The following GMDS variants were observed in gnomAD, a reference collection of about 807,000 sequenced individuals.
The protein encoded by GMDS is GDP-mannose 4,6 dehydratase.
GMDS carries 20 observed loss-of-function variants against 49.9 expected under a neutral mutation model. The observed-to-expected ratio is 0.40, with a 90% CI of 0.28 to 0.58. The LOEUF (loss-of-function observed/expected upper bound fraction) is 0.58. Among genes scored for constraint, GMDS ranks in the 20% least tolerant of loss-of-function variants. GMDS has a pLI of 0.42. For missense variants in GMDS, 362 were observed against 481.4 expected, an observed-to-expected ratio of 0.75 and a Z score of 2.32; for synonymous variants, 177 against 178.6, an observed-to-expected ratio of 0.99 and a Z score of 0.07.
chr6:1,624,465 TACTC>T lies in GMDS; in HGVS notation c.1056+3_1056+6del, dbSNP rs1762783854. ...AGCGGGCGGCGTGCGCCCTAAGAGA[TACTC>T]ACATCGAAAGCGACCCGGGGCTTCC... On this transcript the variant is annotated splice_donor_5th_base_variant and intron_variant, in intron 10 of 10. Transcript: ENST00000380815. The T allele has an allele frequency of 3.7e-6, 6 of 1,611,496 alleles. No homozygotes were observed. Among genetic ancestry groups the T allele is most frequent in the Non-Finnish European group, 5.1e-6 (6 of 1,177,756 alleles).
At chr6:2,109,647 C>T (rs17134684) in intron 4 of GMDS, among the ~76,000 whole-genome samples, 4,160 of 152,244 alleles carry the variant, frequency 0.027, 94 homozygotes, top group South Asian at 0.1. Context: ...TCCCAGGAAC[C>T]GTGATATGCA....
rs66496705 is a variant in GMDS at position 1,910,314 on chromosome 6, G to GA, written c.771+19788dup. Among the ~76,000 whole-genome samples, 17 of 141,710 alleles carry GA rather than the reference G, an allele frequency of 1.2e-4. 1 individual carries two copies. Among genetic ancestry groups the GA allele is most frequent in the South Asian group, 4.4e-4 (2 of 4,498 alleles). 93.0% of individuals were successfully genotyped at this position (141,710 alleles called of 152,430 possible). On this transcript the variant is annotated intron_variant, in intron 7 of 10. Coordinates refer to ENST00000380815, the MANE Select transcript of GMDS (RefSeq NM_001500.4). ...TAAGCTCAGAATAATAAATGAAACT[G>GA]AAAAAAAAAAGAAGATGATACTGGG...
At chr6:2,127,721 C>G (rs1284868211) in intron 1 of GMDS, among the ~76,000 whole-genome samples, 1 of 152,270 alleles carries the variant, frequency 6.6e-6, no homozygotes, top group African/African-American at 2.4e-5. Flanking sequence ...TGGCCGCCCC[C>G]TCGTCCTTTC....
chr6:2,142,597 C>T (rs1168127044), intron 1 of GMDS, among the ~76,000 whole-genome samples: 1 of 152,114 alleles, frequency 6.6e-6, no homozygotes, highest in African/African-American at 2.4e-5. Context: ...CAGAAGGAAC[C>T]AACCCTGACA....
chr6:2,060,570 T>C (rs1365421426), intron 4 of GMDS, among the ~76,000 whole-genome samples: 1 of 152,168 alleles, frequency 6.6e-6, no homozygotes, highest in Non-Finnish European at 1.5e-5. Context: ...AATGGACCTC[T>C]TATACTTTAG....
At chr6:1,827,504 C>T (rs998054507) in intron 7 of GMDS, among the ~76,000 whole-genome samples, 1 of 151,674 alleles carries the variant, frequency 6.6e-6, no homozygotes, top group South Asian at 2.1e-4. Context: ...TATATACACA[C>T]GTTTTGGAAA....
chr6:1,624,105 G>T lies in GMDS; in HGVS notation c.*64C>A. 2 of 1,430,768 alleles carry T rather than the reference G, an allele frequency of 1.4e-6. No individual in the cohort carries two copies. The highest frequency in any genetic ancestry group is 1.9e-6 in the Non-Finnish European group (2 of 1,027,822). The allele number at this position is 1,430,768 out of a possible 1,614,324, so 88.6% of individuals were successfully genotyped here. On this transcript the variant is annotated 3_prime_UTR_variant, in exon 11 of 11. Transcript: ENST00000380815. The stretch of plus-strand genomic sequence containing the variant: ...GCACGCCGCTCCCCATCCCCGCAGC[G>T]CGTCTGCACCGGAGACTCTGCGGGG...
chr6:1,931,642 G>A (rs1422444899), intron 6 of GMDS, among the ~76,000 whole-genome samples: 1 of 152,082 alleles, frequency 6.6e-6, no homozygotes, highest in Non-Finnish European at 1.5e-5. Flanking sequence ...TTTTTCTATT[G>A]ACTTGTAAGA....
At chr6:1,729,240 C>T (rs566926505) in intron 8 of GMDS, among the ~76,000 whole-genome samples, 35 of 152,282 alleles carry the variant, frequency 2.3e-4, no homozygotes, top group Middle Eastern at 6.8e-3. Context: ...AGGAGAAACA[C>T]TCCCTCTCTG....
chr6:2,067,239 A>G (rs2127454722), intron 4 of GMDS, among the ~76,000 whole-genome samples: 1 of 152,284 alleles, frequency 6.6e-6, no homozygotes, highest in Non-Finnish European at 1.5e-5. Context: ...ACAACATACC[A>G]GAATCTCTGG....
chr6:1,679,758 C>T (rs1008298058), intron 9 of GMDS: 2 of 152,196 alleles, frequency 1.3e-5, no homozygotes, highest in Non-Finnish European at 2.9e-5. Flanking sequence ...CTTGAGCTCT[C>T]ACAACAGCAA....
At chr6:1,765,321 G>C (rs1287297378) in intron 7 of GMDS, among the ~76,000 whole-genome samples, 1 of 152,024 alleles carries the variant, frequency 6.6e-6, no homozygotes, top group Non-Finnish European at 1.5e-5. Flanking sequence ...AGTTCCCAAG[G>C]CCACCGCCTC....
chr6:2,174,826 C>T (rs978396710), intron 1 of GMDS, among the ~76,000 whole-genome samples: 4 of 152,052 alleles, frequency 2.6e-5, no homozygotes, highest in Middle Eastern at 3.2e-3. Context: ...ATCTTGGCCT[C>T]CCAAAGTGCT....
intron 1 of GMDS, among the ~76,000 whole-genome samples, chr6:2,200,989 C>A (rs1457226254): frequency 0.047 from 1,716 of 36,630 alleles, no homozygotes; most frequent in Middle Eastern, 0.074. Flanking sequence ...CCGAGATGAA[C>A]CAATCTAGGC....
chr6:1,734,038 T>C (rs1766922836), intron 8 of GMDS, among the ~76,000 whole-genome samples: 1 of 152,130 alleles, frequency 6.6e-6, no homozygotes, highest in African/African-American at 2.4e-5. Context: ...GAAGCACTGC[T>C]TTAATCACAG....
chr6:1,941,365 TATA>T (rs71814493), intron 6 of GMDS, among the ~76,000 whole-genome samples: 3,896 of 151,882 alleles, frequency 0.026, 156 homozygotes, highest in East Asian at 0.18. Context: ...ACACTGATGC[TATA>T]ATGTTTACAG....
chr6:2,099,345 G>A (rs1054161595), intron 4 of GMDS, among the ~76,000 whole-genome samples: 1 of 152,076 alleles, frequency 6.6e-6, no homozygotes, highest in Non-Finnish European at 1.5e-5. Flanking sequence ...ATCCTATACA[G>A]TCAATATAGT....
At chr6:1,789,720 T>C (rs1769461192) in intron 7 of GMDS, among the ~76,000 whole-genome samples, 1 of 151,916 alleles carries the variant, frequency 6.6e-6, no homozygotes, top group South Asian at 2.1e-4. Flanking sequence ...GTATTTTTTT[T>C]GTAGAGATGG....
At chr6:1,845,124 CA>C (rs939609542) in intron 7 of GMDS, among the ~76,000 whole-genome samples, 16 of 152,184 alleles carry the variant, frequency 1.1e-4, no homozygotes, top group African/African-American at 3.6e-4. Context: ...AATGGCAAGA[CA>C]AATTGTTTTC....
Sources: gnomAD v4.1 joint callset for allele counts (sites outside exome capture counted in the v4.1 genomes callset) on GRCh38, gnomAD v4.1.1 for gene constraint, MANE v1.5 for transcripts, NCBI Gene and HGNC (gene_info 2026-07-23, HGNC 2026-07-21) for gene names.